PCDHA6: variants seen among roughly 807,000 people sequenced by gnomAD.
The protein encoded by PCDHA6 is protocadherin alpha 6, also known as protocadherin alpha-6.
PCDHA6 carries 55 observed loss-of-function variants against 60.3 expected under a neutral mutation model. The ratio of observed to expected loss-of-function variants is 0.91; its 90% CI spans 0.73 to 1.14. PCDHA6 has a LOEUF of 1.14. Among genes scored for constraint, PCDHA6 ranks in the 50% most tolerant of loss-of-function variants. The pLI, the probability that PCDHA6 is intolerant of heterozygous loss-of-function variation, is 0.00. For synonymous variants in PCDHA6, 652 were observed against 557.9 expected (o/e 1.17, Z -2.38); for missense variants, 1,327 against 1,256.5 (o/e 1.06, Z -0.85).
intron 3 of PCDHA6, among the ~76,000 whole-genome samples, chr5:141,007,707 C>T (rs1027610738): frequency 6.6e-6 from 1 of 152,172 alleles, no homozygotes; most frequent in Non-Finnish European, 1.5e-5. Context: ...CCTCTGCCTC[C>T]CACCACCAGG....
intron 3 of PCDHA6, among the ~76,000 whole-genome samples, chr5:140,998,568 A>AG (rs1167593072): frequency 3.1e-5 from 3 of 96,370 alleles, no homozygotes; most frequent in African/African-American, 1.3e-4. Context: ...ATTGTAAATA[A>AG]GTTTTTTTTT....
intron 1 of PCDHA6, chr5:140,968,908 A>G: frequency 6.2e-7 from 1 of 1,614,182 alleles, no homozygotes; most frequent in Non-Finnish European, 8.5e-7. Context: ...CATTAAGCAC[A>G]GTGTCTTTTA....
intron 1 of PCDHA6, chr5:140,841,717 G>A: frequency 6.2e-7 from 1 of 1,613,924 alleles, no homozygotes; most frequent in Non-Finnish European, 8.5e-7. Flanking sequence ...ACCCGCCAGT[G>A]TTCCGGGTAA....
chr5:140,890,499 TTA>T (rs1320014650), intron 1 of PCDHA6, among the ~76,000 whole-genome samples: 1 of 152,222 alleles, frequency 6.6e-6, no homozygotes, highest in Non-Finnish European at 1.5e-5. Flanking sequence ...CTCACCATTT[TTA>T]TGTCTCTATT....
chr5:140,928,288 C>T (rs541893248), intron 1 of PCDHA6: 37 of 1,614,156 alleles, frequency 2.3e-5, no homozygotes, highest in East Asian at 4.5e-5. Flanking sequence ...CTCTCTAGGC[C>T]GAGTGTTTGC....
chr5:140,877,697 C>T (rs2057290837), intron 1 of PCDHA6: 15 of 1,613,794 alleles, frequency 9.3e-6, no homozygotes, highest in Non-Finnish European at 1.3e-5. Flanking sequence ...CTGGTGTGCT[C>T]CAGCGCCGTG....
At chr5:140,870,424 T>C (rs782689834) in intron 1 of PCDHA6, 6 of 1,614,156 alleles carry the variant, frequency 3.7e-6, no homozygotes, top group Non-Finnish European at 5.1e-6. Flanking sequence ...GGCCAGGGTA[T>C]CCGTGGAGGT....
chr5:140,862,432 C>T (rs746687465), intron 1 of PCDHA6: 1 of 355,106 alleles, frequency 2.8e-6, no homozygotes, highest in Non-Finnish European at 5.6e-6. Context: ...AGAAACTATT[C>T]GTTGGTACTC....
At position 141,005,925 on chromosome 5, in the gene PCDHA6, T is replaced by C. The variant is rs368127914; in HGVS notation, c.2543-3702T>C. On this transcript the variant is annotated intron_variant, in intron 3 of 3. Transcript: ENST00000529310. ...TTGCACCACTGCACTTCAGCCTGGT[T>C]GACAGAGTGAGAACCTATCTCTAAC... 4.1e-4 allele frequency among the ~76,000 whole-genome samples: 62 copies of C among 151,990 alleles called. 1 individual carries two copies. The highest frequency in any genetic ancestry group is 1.4e-3 in the African/African-American group (59 of 41,476).
In PCDHA6 at chr5:140,927,241, A is replaced by T. The variant is rs781911240; in HGVS notation, c.2395-51708A>T. The stretch of plus-strand genomic sequence containing the variant: ...CAAGATTCGGATTCACGTCCTGGAC[A>T]CCAATGACAACTCACCTCTCTTTCC... On this transcript the variant is annotated intron_variant, in intron 1 of 3. Coordinates refer to ENST00000529310, the MANE Select transcript of PCDHA6 (RefSeq NM_018909.4). 3 of 1,613,966 alleles carry T rather than the reference A, an allele frequency of 1.9e-6. No homozygotes were observed. The Admixed American group carries it at 5.0e-5, about 27-fold the overall frequency.
chr5:140,852,182 A>C, intron 1 of PCDHA6: 1 of 758,132 alleles, frequency 1.3e-6, no homozygotes. Context: ...AATAACTATG[A>C]AAATGCCAGT....
At chr5:140,883,892 G>T in intron 1 of PCDHA6, 3 of 1,613,362 alleles carry the variant, frequency 1.9e-6, no homozygotes, top group Non-Finnish European at 1.7e-6. Context: ...CGACTCTGGC[G>T]TGCCGCCTCT....
chr5:140,979,949 A>G (rs1554241287), intron 2 of PCDHA6, among the ~76,000 whole-genome samples: 2 of 152,248 alleles, frequency 1.3e-5, no homozygotes, highest in African/African-American at 4.8e-5. Context: ...TTAATGTGAA[A>G]TTAGTTTTAG....
At chr5:140,942,434 T>C (rs2093297092) in intron 1 of PCDHA6, among the ~76,000 whole-genome samples, 1 of 151,244 alleles carries the variant, frequency 6.6e-6, no homozygotes, top group African/African-American at 2.4e-5. Flanking sequence ...TATCTAACAA[T>C]AAACAAGTAA....
At chr5:140,884,549 G>C (rs782470468) in intron 1 of PCDHA6, 2 of 1,614,016 alleles carry the variant, frequency 1.2e-6, no homozygotes, top group Non-Finnish European at 1.7e-6. Flanking sequence ...GGTGTGCTCT[G>C]GGGAGGGCCC....
intron 1 of PCDHA6, among the ~76,000 whole-genome samples, chr5:140,896,197 T>G (rs911999135): frequency 2.0e-5 from 3 of 152,280 alleles, no homozygotes; most frequent in Non-Finnish European, 2.9e-5. Flanking sequence ...AGTGCCATGA[T>G]GAACATACAC....
rs533936031 is a variant in PCDHA6, at chr5:140,883,438, G to A, written c.2394+52953G>A. 14 of 1,614,132 alleles carry A rather than the reference G, an allele frequency of 8.7e-6. No individual in the cohort carries two copies. The South Asian group carries it at 1.3e-4, about 15-fold the overall frequency. ...ATGGACAGGTCACCTGCACCTTGAC[G>A]CCGCATGTCCCCTTCAAGCTGGTGT... On this transcript the variant is annotated intron_variant, in intron 1 of 3. Coordinates refer to ENST00000529310, the MANE Select transcript of PCDHA6 (RefSeq NM_018909.4).
chr5:140,984,091 T>G (rs1357477287), intron 3 of PCDHA6, among the ~76,000 whole-genome samples: 1 of 152,204 alleles, frequency 6.6e-6, no homozygotes. Context: ...GAAGAAATGA[T>G]GGAGGAGGAA....
rs149711844 is a variant in PCDHA6 at position 140,884,286 on chromosome 5, G to T, written c.2394+53801G>T. On this transcript the variant is annotated intron_variant, in intron 1 of 3. Coordinates refer to ENST00000529310, the MANE Select transcript of PCDHA6 (RefSeq NM_018909.4). ...GTGCTGTTGTCGCTGGTGGAGAGCG[G>T]CCAAGCGCCACAGGCTTCGTCGAGG... 1.6e-4 allele frequency: 258 copies of T among 1,613,626 alleles called. No individual in the cohort carries two copies. The highest frequency in any genetic ancestry group is 2.1e-4 in the Non-Finnish European group (242 of 1,179,820).
Sources: allele counts gnomAD v4.1 joint callset (sites outside exome capture counted in the v4.1 genomes callset), GRCh38; gene constraint gnomAD v4.1.1; transcripts MANE v1.5; gene names NCBI Gene and HGNC (gene_info 2026-07-23, HGNC 2026-07-21).